CDH4: variants seen among roughly 807,000 people sequenced by gnomAD.
The protein encoded by CDH4 is cadherin-4.
In CDH4, 33 loss-of-function variants were observed where a neutral mutation model predicts 86.0. The observed-to-expected ratio is 0.38, with a 90% CI of 0.29 to 0.51. The LOEUF is 0.51. Among genes scored for constraint, CDH4 ranks in the 20% least tolerant of loss-of-function variants. The pLI, the probability that CDH4 is intolerant of heterozygous loss-of-function variation, is 0.86. For missense variants in CDH4, 1,114 were observed against 1,307.4 expected (o/e 0.85, Z 2.28); for synonymous variants, 555 against 549.4 (o/e 1.01, Z -0.14).
chr20:61,263,315 G>A (rs751167891), intron 2 of CDH4, among the ~76,000 whole-genome samples: 2 of 152,134 alleles, frequency 1.3e-5, no homozygotes, highest in Non-Finnish European at 2.9e-5. Context: ...GTCTCTGGCT[G>A]GTGTCTGCTT....
intron 2 of CDH4, among the ~76,000 whole-genome samples, chr20:61,479,632 T>C (rs1170044230): frequency 1.3e-5 from 2 of 152,238 alleles, no homozygotes; most frequent in Non-Finnish European, 2.9e-5. Context: ...ATAAAAAAGC[T>C]GATCACTGGT....
At chr20:61,922,147 G>A (rs556044647) in intron 9 of CDH4, among the ~76,000 whole-genome samples, 3 of 152,156 alleles carry the variant, frequency 2.0e-5, no homozygotes, top group Non-Finnish European at 4.4e-5. Flanking sequence ...ATATTGTCTC[G>A]ACAGATACTA....
intron 2 of CDH4, among the ~76,000 whole-genome samples, chr20:61,304,145 A>G (rs557070539): frequency 6.6e-6 from 1 of 152,174 alleles, no homozygotes; most frequent in Admixed American, 6.5e-5. Context: ...AGATCAGGAA[A>G]CTGTCTTCAC....
chr20:61,407,605 A>G (rs577620561), intron 2 of CDH4, among the ~76,000 whole-genome samples: 1 of 152,330 alleles, frequency 6.6e-6, no homozygotes, highest in East Asian at 1.9e-4. Flanking sequence ...ATTATACTCA[A>G]CTGGGTATTT....
intron 2 of CDH4, among the ~76,000 whole-genome samples, chr20:61,521,513 G>C (rs532989569): frequency 6.6e-6 from 1 of 152,272 alleles, no homozygotes; most frequent in South Asian, 2.1e-4. Context: ...CACACCACAG[G>C]CTTCACTCAC....
chr20:61,677,932 T>G (rs2087463623), intron 2 of CDH4, among the ~76,000 whole-genome samples: 2 of 151,906 alleles, frequency 1.3e-5, no homozygotes, highest in Admixed American at 1.3e-4. Context: ...AGATAGATGA[T>G]GGATGTTTGG....
intron 2 of CDH4, among the ~76,000 whole-genome samples, chr20:61,402,124 T>G (rs1214462049): frequency 1.3e-5 from 2 of 152,186 alleles, no homozygotes; most frequent in Non-Finnish European, 2.9e-5. Context: ...GCCGCTGTCT[T>G]AAAGCATATA....
intron 2 of CDH4, among the ~76,000 whole-genome samples, chr20:61,694,639 C>T (rs1014876230): frequency 6.6e-6 from 1 of 151,712 alleles, no homozygotes; most frequent in East Asian, 1.9e-4. Context: ...GAAGTAAAAA[C>T]TCCTAAAAAC....
At chr20:61,266,587 A>G (rs2084159496) in intron 2 of CDH4, among the ~76,000 whole-genome samples, 1 of 151,746 alleles carries the variant, frequency 6.6e-6, no homozygotes. Context: ...CCAAGGAGAA[A>G]CGCAGGCTGC....
At chr20:61,735,514 G>A (rs1466296021) in intron 2 of CDH4, among the ~76,000 whole-genome samples, 2 of 152,132 alleles carry the variant, frequency 1.3e-5, no homozygotes, top group Non-Finnish European at 2.9e-5. Context: ...GACCCCCAAG[G>A]GGTTCCCCAG....
chr20:61,627,716 G>C (rs929563118), intron 2 of CDH4, among the ~76,000 whole-genome samples: 2 of 152,026 alleles, frequency 1.3e-5, no homozygotes, highest in African/African-American at 2.4e-5. Context: ...CTCGACTTGA[G>C]GCCCAGGCAC....
At chr20:61,321,393 G>C (rs906164001) in intron 2 of CDH4, among the ~76,000 whole-genome samples, 2 of 151,794 alleles carry the variant, frequency 1.3e-5, no homozygotes, top group African/African-American at 2.4e-5. Flanking sequence ...TTGCTTTTTT[G>C]CTGGAAATTT....
chr20:61,930,827 T>C (rs991827080), intron 13 of CDH4, among the ~76,000 whole-genome samples: 7 of 152,224 alleles, frequency 4.6e-5, no homozygotes, highest in African/African-American at 1.4e-4. Flanking sequence ...GGTGTCTCTG[T>C]AGCAAAGGTG....
chr20:61,489,241 C>G (rs1245714623), intron 2 of CDH4, among the ~76,000 whole-genome samples: 1 of 152,194 alleles, frequency 6.6e-6, no homozygotes, highest in East Asian at 1.9e-4. Context: ...TGTTAAGCTC[C>G]TGTGCCTCTC....
At chr20:61,556,782 G>C (rs1172449495) in intron 2 of CDH4, among the ~76,000 whole-genome samples, 1 of 152,162 alleles carries the variant, frequency 6.6e-6, no homozygotes, top group Non-Finnish European at 1.5e-5. Flanking sequence ...CAGGTGGCCA[G>C]TGGCTGTCCT....
chr20:61,611,762 G>A (rs747586198), intron 2 of CDH4, among the ~76,000 whole-genome samples: 1 of 152,144 alleles, frequency 6.6e-6, no homozygotes, highest in Non-Finnish European at 1.5e-5. Context: ...GCTTGAACCG[G>A]GAAGCAAGCT....
chr20:61,361,281 G>A (rs28599543), intron 2 of CDH4, among the ~76,000 whole-genome samples: 35,271 of 151,788 alleles, frequency 0.23, 4,644 homozygotes, highest in East Asian at 0.34. Flanking sequence ...AGACTTGCAC[G>A]CATGGATCTT....
chr20:61,744,712 G>A (rs1358938120), intron 3 of CDH4, among the ~76,000 whole-genome samples: 2 of 152,160 alleles, frequency 1.3e-5, no homozygotes, highest in Non-Finnish European at 2.9e-5. Flanking sequence ...TGACAGGGAG[G>A]GGCGCCTTCA....
intron 7 of CDH4, among the ~76,000 whole-genome samples, chr20:61,876,808 C>T (rs1984045427): frequency 6.6e-6 from 1 of 152,160 alleles, no homozygotes; most frequent in Non-Finnish European, 1.5e-5. Flanking sequence ...GGACTAAAGA[C>T]AAACAGCTAA....
Sources: allele counts gnomAD v4.1 joint callset (sites outside exome capture counted in the v4.1 genomes callset), GRCh38; gene constraint gnomAD v4.1.1; transcripts MANE v1.5; gene names NCBI Gene and HGNC (gene_info 2026-07-23, HGNC 2026-07-21).